The following PTCHD4 variants were observed in gnomAD, a reference collection of about 807,000 sequenced individuals.
PTCHD4 encodes patched domain-containing protein 4.
Under a neutral mutation model 58.1 loss-of-function variants are expected in PTCHD4, and 33 were observed. The ratio of observed to expected loss-of-function variants is 0.57; its 90% confidence interval spans 0.43 to 0.76. PTCHD4 has a LOEUF of 0.76. Ranked by LOEUF, PTCHD4 falls within the 30% of genes least tolerant of loss-of-function variation. PTCHD4 has a pLI of 0.00. For synonymous variants in PTCHD4, 478 were observed against 409.6 expected, an observed-to-expected ratio of 1.17 and a Z score of -2.02; for missense variants, 1,058 against 1,027.1, an observed-to-expected ratio of 1.03 and a Z score of -0.41.
intron 4 of PTCHD4, among the ~76,000 whole-genome samples, chr6:47,915,727 A>T (rs1765223297): frequency 6.6e-6 from 1 of 152,156 alleles, no homozygotes; most frequent in African/African-American, 2.4e-5. Context: ...CATCTTTATT[A>T]GAACCATAGA....
At chr6:47,974,765 T>C (rs1167665128) in intron 4 of PTCHD4, among the ~76,000 whole-genome samples, 1 of 152,248 alleles carries the variant, frequency 6.6e-6, no homozygotes, top group Non-Finnish European at 1.5e-5. Context: ...TAACATATGC[T>C]AATATTAACA....
chr6:47,941,551 GA>G (rs769032946), intron 4 of PTCHD4, among the ~76,000 whole-genome samples: 98 of 152,168 alleles, frequency 6.4e-4, no homozygotes, highest in Non-Finnish European at 7.6e-4. Flanking sequence ...GTATAGACCA[GA>G]CTATTAGGAG....
chr6:47,976,482 C>T (rs561504358), intron 4 of PTCHD4, among the ~76,000 whole-genome samples: 22 of 151,964 alleles, frequency 1.4e-4, no homozygotes, highest in African/African-American at 5.1e-4. Context: ...GTGAAACCCC[C>T]ATCTCTACTA....
rs1323189444 is a variant in PTCHD4, at chr6:47,877,159, G to A, written c.*1144C>T. On this transcript the variant is annotated 3_prime_UTR_variant, in exon 5 of 5. Coordinates refer to ENST00000339488, the MANE Select transcript of PTCHD4 (RefSeq NM_001384253.1). ...AGATGGCATGTGATGAGTGGGTATG[G>A]TCCATTTTATTCTATTTCACTCTAC... Among the ~76,000 whole-genome samples, 3 of 151,988 alleles carry A rather than the reference G, an allele frequency of 2.0e-5. No homozygotes were observed. In the East Asian group the frequency reaches 5.8e-4, roughly 29 times the overall value.
chr6:47,880,645 T>G (rs1335126547), intron 4 of PTCHD4, among the ~76,000 whole-genome samples: 2 of 152,158 alleles, frequency 1.3e-5, no homozygotes, highest in Non-Finnish European at 2.9e-5. Context: ...GTGAGATGGA[T>G]GCTGACTAAA....
intron 4 of PTCHD4, among the ~76,000 whole-genome samples, chr6:48,002,306 G>T (rs7773270): frequency 6.6e-6 from 1 of 151,944 alleles, no homozygotes; most frequent in Non-Finnish European, 1.5e-5. Flanking sequence ...AAACACAGAC[G>T]CACACATGTT....
chr6:48,053,422 G>C (rs1007060383), intron 3 of PTCHD4, among the ~76,000 whole-genome samples: 2 of 152,022 alleles, frequency 1.3e-5, no homozygotes, highest in Non-Finnish European at 2.9e-5. Context: ...TAAATTAGTT[G>C]CAAAATCACA....
intron 3 of PTCHD4, among the ~76,000 whole-genome samples, chr6:48,013,637 C>T (rs779309571): frequency 5.2e-4 from 79 of 151,894 alleles, no homozygotes; most frequent in Admixed American, 1.8e-3. Flanking sequence ...CCCAATTAGG[C>T]GCATTTATTT....
In PTCHD4 at chr6:47,897,104, G is replaced by A. The variant is rs544206524; in HGVS notation, c.899-17168C>T. Among the ~76,000 whole-genome samples the A allele has an allele frequency of 4.6e-5, 7 of 152,208 alleles. No individual in the cohort carries two copies. The South Asian group carries it at 8.3e-4, about 18-fold the overall frequency. ...CTAGTATTTTGAGGTGGAGATGATC[G>A]TTCCCTACTTCTTATGTTTCCATGA... On this transcript the variant is annotated intron_variant, in intron 4 of 4. Coordinates refer to ENST00000339488, the MANE Select transcript of PTCHD4 (RefSeq NM_001384253.1).
intron 1 of PTCHD4, among the ~76,000 whole-genome samples, chr6:48,088,031 A>C (rs1765295015): frequency 6.6e-6 from 1 of 152,218 alleles, no homozygotes; most frequent in Non-Finnish European, 1.5e-5. Context: ...GACTGTAGCC[A>C]TAATTTTATT....
rs927259322 is a variant in PTCHD4 at position 47,874,790 on chromosome 6, C to G, written c.*3513G>C. Among the ~76,000 whole-genome samples the G allele has an allele frequency of 2.0e-5, 3 of 151,750 alleles. No individual in the cohort carries two copies. The highest frequency in any genetic ancestry group is 1.3e-4 in the Admixed American group (2 of 15,196). On this transcript the variant is annotated 3_prime_UTR_variant, in exon 5 of 5. Coordinates refer to ENST00000339488, the MANE Select transcript of PTCHD4 (RefSeq NM_001384253.1). ...TCTTTCATAGAATACTCATGCACAG[C>G]CTTCAAAGAGGTTCATAGTAACTGC...
chr6:47,966,884 T>C (rs1397942672), intron 4 of PTCHD4, among the ~76,000 whole-genome samples: 2 of 152,208 alleles, frequency 1.3e-5, no homozygotes, highest in Non-Finnish European at 1.5e-5. Flanking sequence ...CCACCACATC[T>C]AGAGTTGCTT....
chr6:47,956,531 T>G (rs1033947831), intron 4 of PTCHD4, among the ~76,000 whole-genome samples: 3 of 152,072 alleles, frequency 2.0e-5, no homozygotes, highest in African/African-American at 7.2e-5. Flanking sequence ...CCTCCTGGGT[T>G]CACGCCATTC....
chr6:47,941,591 C>T (rs1016168775), intron 4 of PTCHD4, among the ~76,000 whole-genome samples: 3 of 152,050 alleles, frequency 2.0e-5, no homozygotes, highest in African/African-American at 7.2e-5. Context: ...AAAATTGATG[C>T]CATCTAGAAA....
intron 4 of PTCHD4, among the ~76,000 whole-genome samples, chr6:47,987,092 G>T (rs1768093000): frequency 6.6e-6 from 1 of 152,006 alleles, no homozygotes; most frequent in Admixed American, 6.6e-5. Flanking sequence ...TTATCTATTG[G>T]ATTAAAATGG....
intron 4 of PTCHD4, chr6:47,901,789 T>C (rs1372829887): frequency 2.4e-6 from 3 of 1,248,074 alleles, no homozygotes; most frequent in African/African-American, 3.1e-5. Flanking sequence ...ACGATGATGA[T>C]GATTTTATTG....
In PTCHD4 at chr6:47,969,129, C is replaced by T. The variant is rs190714953; in HGVS notation, c.898+39505G>A. Among the ~76,000 whole-genome samples, 5 of 152,250 alleles carry T rather than the reference C, an allele frequency of 3.3e-5. No homozygotes were observed. The East Asian group carries it at 9.6e-4, about 29-fold the overall frequency. Reference sequence around the variant, plus strand: ...GGCTCTTGAGGAAAACAATACAAAACAGAGAAAGGACTACAACTTAAATGT... The same window carrying T: ...GGCTCTTGAGGAAAACAATACAAAATAGAGAAAGGACTACAACTTAAATGT... On this transcript the variant is annotated intron_variant, in intron 4 of 4. Coordinates refer to ENST00000339488, the MANE Select transcript of PTCHD4 (RefSeq NM_001384253.1).
intron 3 of PTCHD4, among the ~76,000 whole-genome samples, chr6:48,022,220 C>G (rs1288914258): frequency 3.3e-5 from 5 of 151,260 alleles, no homozygotes; most frequent in Non-Finnish European, 7.4e-5. Context: ...TCTCTCTAAC[C>G]CTTTCTCCCT....
At chr6:47,966,066 T>C (rs915199924) in intron 4 of PTCHD4, among the ~76,000 whole-genome samples, 3 of 152,244 alleles carry the variant, frequency 2.0e-5, no homozygotes, top group Non-Finnish European at 4.4e-5. Context: ...GAATGAAAGA[T>C]AACCTTGTTT....
Sources: gnomAD v4.1 joint callset for allele counts (sites outside exome capture counted in the v4.1 genomes callset) on GRCh38, gnomAD v4.1.1 for gene constraint, MANE v1.5 for transcripts, NCBI Gene and HGNC (gene_info 2026-07-23, HGNC 2026-07-21) for gene names.